The following OPCML variants were observed in gnomAD, a reference collection of about 807,000 sequenced individuals.
The protein encoded by OPCML is opioid-binding protein/cell adhesion molecule.
In OPCML, 13 loss-of-function variants were observed where a neutral mutation model predicts 37.8. That is an observed-to-expected ratio of 0.34 (90% confidence interval 0.22 to 0.55). The LOEUF (loss-of-function observed/expected upper bound fraction) is 0.55. Ranked by LOEUF, OPCML falls within the 20% of genes least tolerant of loss-of-function variation. The pLI, the probability that OPCML is intolerant of heterozygous loss-of-function variation, is 0.91. For missense variants in OPCML, 341 were observed against 435.6 expected (o/e 0.78, Z 1.93); for synonymous variants, 176 against 168.8 (o/e 1.04, Z -0.33).
intron 2 of OPCML, among the ~76,000 whole-genome samples, chr11:132,672,594 A>G (rs1315867529): frequency 5.3e-5 from 8 of 152,190 alleles, no homozygotes; most frequent in African/African-American, 1.7e-4. Context: ...CGTAGCTCCA[A>G]GTCTCTTGAA....
rs546161295 is a variant in OPCML at position 133,252,582 on chromosome 11, G to A, written c.61+279682C>T. ...GTTCAGATGGTTCCCAGAGTCTCCC[G>A]AAGGGTTTTCAATTCTGGCTATTTT... On this transcript the variant is annotated intron_variant, in intron 1 of 7. Coordinates refer to ENST00000524381, the MANE Select transcript of OPCML (RefSeq NM_001012393.5). Among the ~76,000 whole-genome samples, 10 of 152,198 alleles carry A rather than the reference G, an allele frequency of 6.6e-5. No homozygotes were observed. The South Asian group carries it at 1.7e-3, about 25-fold the overall frequency.
At chr11:133,182,618 C>A (rs1165855331) in intron 1 of OPCML, among the ~76,000 whole-genome samples, 5 of 152,184 alleles carry the variant, frequency 3.3e-5, no homozygotes, top group African/African-American at 1.2e-4. Context: ...GTGCTGGGAA[C>A]CTCCCAGGGT....
intron 1 of OPCML, among the ~76,000 whole-genome samples, chr11:133,530,444 G>C (rs2120767692): frequency 6.6e-6 from 1 of 152,364 alleles, no homozygotes; most frequent in Non-Finnish European, 1.5e-5. Context: ...CCAGCACAGT[G>C]AGAGGAGGGG....
At chr11:132,690,831 G>A (rs559332439) in intron 2 of OPCML, among the ~76,000 whole-genome samples, 12 of 152,192 alleles carry the variant, frequency 7.9e-5, no homozygotes, top group East Asian at 1.9e-4. Context: ...GCAGGATTTC[G>A]GACTATTCTG....
intron 1 of OPCML, among the ~76,000 whole-genome samples, chr11:133,352,759 A>G (rs12792047): frequency 0.7 from 106,442 of 152,046 alleles, 37,406 homozygotes; most frequent in East Asian, 0.91. Context: ...ACTAGTAAAA[A>G]TCGCTGTTTT....
chr11:133,428,354 A>G (rs1181863151), intron 1 of OPCML, among the ~76,000 whole-genome samples: 1 of 152,222 alleles, frequency 6.6e-6, no homozygotes, highest in Non-Finnish European at 1.5e-5. Flanking sequence ...CACTACTACC[A>G]TTCAATACTC....
chr11:132,950,410 T>C (rs865932591), intron 1 of OPCML, among the ~76,000 whole-genome samples: 32 of 152,310 alleles, frequency 2.1e-4, no homozygotes, highest in African/African-American at 7.5e-4. Context: ...GGTAACTAGC[T>C]GCATTTTACA....
chr11:132,622,540 G>T (rs1287366748), intron 3 of OPCML, among the ~76,000 whole-genome samples: 1 of 152,144 alleles, frequency 6.6e-6, no homozygotes, highest in Non-Finnish European at 1.5e-5. Flanking sequence ...ACGTTTTCAC[G>T]CCAGTGGGAG....
chr11:132,800,658 A>C (rs2136201517), intron 2 of OPCML, among the ~76,000 whole-genome samples: 1 of 152,320 alleles, frequency 6.6e-6, no homozygotes, highest in African/African-American at 2.4e-5. Context: ...CTTACTAATG[A>C]AATGATTAAA....
chr11:132,983,989 T>A (rs923904391), intron 1 of OPCML, among the ~76,000 whole-genome samples: 2 of 152,210 alleles, frequency 1.3e-5, no homozygotes, highest in Non-Finnish European at 2.9e-5. Flanking sequence ...CCTCAGAAGG[T>A]TCCTGGAGGG....
intron 4 of OPCML, among the ~76,000 whole-genome samples, chr11:132,509,500 C>G (rs1270415699): frequency 6.6e-6 from 1 of 152,070 alleles, no homozygotes; most frequent in Non-Finnish European, 1.5e-5. Flanking sequence ...CTCAGAGGCC[C>G]AGGAGGAAAA....
intron 1 of OPCML, among the ~76,000 whole-genome samples, chr11:133,483,310 G>GTAGATAGATAGATAGA (rs1565659150): frequency 7.4e-5 from 6 of 81,136 alleles, no homozygotes; most frequent in African/African-American, 2.9e-4. Flanking sequence ...TGATAGATAG[G>GTAGATAGATAGATAGA]CAGATAGATA....
chr11:133,218,885 T>C (rs1939698961), intron 1 of OPCML, among the ~76,000 whole-genome samples: 1 of 152,202 alleles, frequency 6.6e-6, no homozygotes, highest in Non-Finnish European at 1.5e-5. Context: ...GTCTCTGTCA[T>C]ACCACCGTAA....
intron 1 of OPCML, among the ~76,000 whole-genome samples, chr11:133,316,887 A>G (rs1359204047): frequency 1.3e-5 from 2 of 152,188 alleles, no homozygotes; most frequent in African/African-American, 2.4e-5. Flanking sequence ...TCATGATTAC[A>G]TTTCACTGAA....
chr11:132,698,107 G>A (rs1399617656), intron 2 of OPCML, among the ~76,000 whole-genome samples: 1 of 151,824 alleles, frequency 6.6e-6, no homozygotes, highest in African/African-American at 2.4e-5. Flanking sequence ...TGGGATTACA[G>A]ATGTGGGCTA....
chr11:133,238,003 A>G (rs1416330365), intron 1 of OPCML, among the ~76,000 whole-genome samples: 1 of 152,248 alleles, frequency 6.6e-6, no homozygotes, highest in East Asian at 1.9e-4. Flanking sequence ...TAATTCTTAT[A>G]AAACTGTGAC....
chr11:132,644,386 G>A (rs557629430), intron 3 of OPCML, among the ~76,000 whole-genome samples: 1 of 152,130 alleles, frequency 6.6e-6, no homozygotes, highest in South Asian at 2.1e-4. Flanking sequence ...GACTCCCAGG[G>A]GACGCATGGC....
At chr11:133,310,146 T>C (rs1943032524) in intron 1 of OPCML, among the ~76,000 whole-genome samples, 1 of 152,230 alleles carries the variant, frequency 6.6e-6, no homozygotes, top group Admixed American at 6.5e-5. Flanking sequence ...GAAATTTAAC[T>C]CTTGTTCGCA....
chr11:133,007,370 CCA>C, intron 1 of OPCML: 1 of 985,454 alleles, frequency 1.0e-6, no homozygotes, highest in South Asian at 4.7e-5. Flanking sequence ...ATTAGCTCAG[CCA>C]CAGAGCAGAT....
Sources: gnomAD v4.1 joint callset for allele counts (sites outside exome capture counted in the v4.1 genomes callset) on GRCh38, gnomAD v4.1.1 for gene constraint, MANE v1.5 for transcripts, NCBI Gene and HGNC (gene_info 2026-07-23, HGNC 2026-07-21) for gene names.